The following CAPN6 variants were observed in gnomAD, a reference collection of about 807,000 sequenced individuals.
The protein encoded by CAPN6 is calpain-6.
In CAPN6, 16 loss-of-function variants were observed where a neutral mutation model predicts 46.0. That is an observed-to-expected ratio of 0.35 (90% CI 0.24 to 0.53). The LOEUF (loss-of-function observed/expected upper bound fraction) is 0.53, where lower values mean the gene tolerates loss of function less well. CAPN6 is among the 20% of genes least tolerant of loss of function. The probability of loss-of-function intolerance (pLI) is 0.94; values close to 1 mark genes in which losing one functional copy is unlikely to be tolerated. For missense variants in CAPN6, 461 were observed against 498.0 expected (o/e 0.93, Z 0.71); for synonymous variants, 206 against 172.8 (o/e 1.19, Z -1.51).
chrX:111,251,370 CAG>C (rs764967474), intron 6 of CAPN6, 84 bp from the exon 7 acceptor site: 467 of 1,005,022 alleles, frequency 4.6e-4, no homozygotes, highest in Middle Eastern at 1.9e-3. Flanking sequence ...GCCAGAGAAA[CAG>C]AGTGCATGAG....
chrX:111,269,662 C>A (rs2094994547), intron 1 of CAPN6, among the ~76,000 whole-genome samples: 1 of 111,756 alleles, frequency 8.9e-6, no homozygotes, highest in African/African-American at 3.3e-5. Context: ...TGTACTTGGC[C>A]TGGGAGTGGA....
intron 1 of CAPN6, among the ~76,000 whole-genome samples, chrX:111,267,844 G>A (rs1325674762): frequency 9.0e-6 from 1 of 111,676 alleles, no homozygotes; most frequent in Non-Finnish European, 1.9e-5. Context: ...CAGACAAATT[G>A]AATACAGAAG....
rs1446055155 is a variant in CAPN6, at chrX:111,252,352, C to A, written c.654G>T (p.Leu218=). The A allele has an allele frequency of 2.5e-6, 3 of 1,209,577 alleles. No homozygotes were observed. The highest frequency in any genetic ancestry group is 3.4e-6 in the Non-Finnish European group (3 of 894,440). The change falls in exon 5 of 13, where the codon CTG becomes CTT. Residue 218 remains leucine (L), a synonymous_variant. Coordinates refer to ENST00000324068, the MANE Select transcript of CAPN6 (RefSeq NM_014289.4). ...VEEKYKLFGE[L]YKTFTKGGLI... ...GACCACCTTTGGTAAATGTTTTGTA[C>A]AGTTCTCCGAATAGCTTGTACTTCT...
At position 111,253,029 on chromosome X, in the gene CAPN6, A is replaced by G; in HGVS notation, c.485T>C (p.Leu162Pro). 1 of 1,210,516 alleles carries G rather than the reference A, an allele frequency of 8.3e-7. No individual in the cohort carries two copies. Among genetic ancestry groups the G allele is most frequent in the Non-Finnish European group, 1.1e-6 (1 of 894,163 alleles). ...STSMNEFWNA[L>P]LEKAYAKLLG... Reference sequence around the variant, plus strand: ...TTACTTTGCATAAGCTTTTTCCAGCAGAGCATTCCAAAACTCATTCATGGA... The same window carrying G: ...TTACTTTGCATAAGCTTTTTCCAGCGGAGCATTCCAAAACTCATTCATGGA... Residue 162 changes from leucine (L) to proline (P), a missense_variant, in exon 4 of 13, where the codon CTG (leucine) becomes CCG (proline). Transcript: ENST00000324068.
intron 2 of CAPN6, among the ~76,000 whole-genome samples, chrX:111,255,908 C>G (rs1569481220): frequency 9.0e-6 from 1 of 111,508 alleles, no homozygotes. Context: ...AATTTTCTAT[C>G]TTAAAAAATA....
intron 2 of CAPN6, among the ~76,000 whole-genome samples, chrX:111,259,917 A>T (rs2094986571): frequency 9.0e-6 from 1 of 111,517 alleles, no homozygotes; most frequent in African/African-American, 3.3e-5. Context: ...GGCAGATTTC[A>T]GCCTAAAAAT....
chrX:111,247,895 G>C lies in CAPN6; in HGVS notation c.1582C>G (p.Leu528Val). The C allele has an allele frequency of 8.3e-7, 1 of 1,210,228 alleles. No homozygotes were observed. The highest frequency in any genetic ancestry group is 3.0e-5 in the East Asian group (1 of 33,819). ...TQITVHSAED[L>V]EKKYANETVN... ...CTTTCATTGGCATACTTCTTCTCCAGGTCCTCAGCACTGTGAACAGTGATC... is the reference window on the plus strand; with the variant it reads ...CTTTCATTGGCATACTTCTTCTCCACGTCCTCAGCACTGTGAACAGTGATC... Residue 528 changes from leucine (L) to valine (V), a missense_variant, in exon 11 of 13, where the codon CTG (leucine) becomes GTG (valine). By Grantham distance (32) the Leu-to-Val change is conservative (BLOSUM62 1). Transcript: ENST00000324068.
chrX:111,252,328 A>G lies in CAPN6; in HGVS notation c.678T>C (p.Gly226=), dbSNP rs1419436778. ...GELYKTFTKG[G]LICCSIESPN... Reference sequence around the variant, plus strand: ...AAACCTCAATGGAACAGCAGATCAGACCACCTTTGGTAAATGTTTTGTACA... The same window carrying G: ...AAACCTCAATGGAACAGCAGATCAGGCCACCTTTGGTAAATGTTTTGTACA... Residue 226 remains glycine (G), a synonymous_variant, in exon 5 of 13, where the codon GGT becomes GGC. Transcript: ENST00000324068. The G allele has an allele frequency of 4.1e-6, 5 of 1,205,603 alleles. No homozygotes were observed. In the South Asian group the frequency reaches 7.2e-5, roughly 17 times the overall value.
chrX:111,252,195 C>T (rs2094980122), intron 5 of CAPN6, 112 bp downstream of exon 5: 2 of 582,091 alleles, frequency 3.4e-6, no homozygotes, highest in South Asian at 3.6e-5. Context: ...TTTCCAAGTC[C>T]CATTAATAGT....
At chrX:111,265,179 A>C (rs1326455824) in intron 1 of CAPN6, among the ~76,000 whole-genome samples, 1 of 112,389 alleles carries the variant, frequency 8.9e-6, no homozygotes. Context: ...AAAAAGTGAA[A>C]TATTGATCAG....
rs377421117 is a variant in CAPN6 at position 111,252,311 on chromosome X, A to G, written c.695T>C (p.Ile232Thr). 2.1e-5 allele frequency: 25 copies of G among 1,198,023 alleles called. No homozygotes were observed. The highest frequency in any genetic ancestry group is 1.5e-4 in the East Asian group (5 of 33,586). ...TTGTTTTTCATGAGTACAAACCTCAATGGAACAGCAGATCAGACCACCTTT... is the reference window on the plus strand; with the variant it reads ...TTGTTTTTCATGAGTACAAACCTCAGTGGAACAGCAGATCAGACCACCTTT... ...FTKGGLICCS[I>T]ESPNQEEQEV... Residue 232 changes from isoleucine to threonine, a missense_variant, in exon 5 of 13, where the codon ATT becomes ACT. By Grantham distance (89) the Ile-to-Thr change is moderately conservative. Transcript: ENST00000324068.
intron 1 of CAPN6, among the ~76,000 whole-genome samples, chrX:111,265,475 C>T (rs185800987): frequency 2.9e-4 from 32 of 111,784 alleles, no homozygotes; most frequent in African/African-American, 9.1e-4. Context: ...CTTTTTTCAT[C>T]AGATTTGTCT....
chrX:111,250,348 G>T (rs2094978152), intron 8 of CAPN6, among the ~76,000 whole-genome samples: 1 of 111,384 alleles, frequency 9.0e-6, no homozygotes, highest in Admixed American at 9.5e-5. Flanking sequence ...GCGTGGACTT[G>T]ACCCTGTTAT....
chrX:111,252,811 A>G (rs1016531523), intron 4 of CAPN6, among the ~76,000 whole-genome samples, 197 bp downstream of exon 4: 8 of 111,737 alleles, frequency 7.2e-5, no homozygotes, highest in African/African-American at 2.6e-4. Context: ...TTAAATGGAA[A>G]CAAGAACCTC....
chrX:111,256,062 G>T (rs1412809724), intron 2 of CAPN6, among the ~76,000 whole-genome samples: 1 of 111,333 alleles, frequency 9.0e-6, no homozygotes, highest in African/African-American at 3.3e-5. Context: ...TTCCTCCCCA[G>T]GTCAGGTGTT....
chrX:111,247,595 C>G, intron 11 of CAPN6, 91 bp from the exon 12 acceptor site: 1 of 940,669 alleles, frequency 1.1e-6, no homozygotes, highest in African/African-American at 1.9e-5. Context: ...AATTCTGGGA[C>G]TTTCAGCATA....
chrX:111,251,197 AC>A lies in CAPN6; in HGVS notation c.971+11del, dbSNP rs752859038. 13 of 1,202,646 alleles carry A rather than the reference AC, an allele frequency of 1.1e-5. No individual in the cohort carries two copies. The East Asian group carries it at 3.9e-4, about 36-fold the overall frequency. ...AAGCCCCAATTCCCTTAGTGCAGAA[AC>A]CCCTCCTCACCAAAACTCTCCATCA... is the stretch of plus-strand genomic sequence containing the variant. On this transcript the variant is annotated intron_variant, in intron 7 of 12. Coordinates refer to ENST00000324068, the MANE Select transcript of CAPN6 (RefSeq NM_014289.4).
intron 10 of CAPN6, among the ~76,000 whole-genome samples, chrX:111,248,221 G>T (rs781770593): frequency 1.8e-5 from 2 of 111,951 alleles, no homozygotes; most frequent in Non-Finnish European, 3.8e-5. Flanking sequence ...AGGTGGCTTT[G>T]GTGATCCAGC....
At position 111,250,992 on chromosome X, in the gene CAPN6, A is replaced by C; in HGVS notation, c.1083T>G (p.Thr361=). The change falls in exon 8 of 13, where the codon ACT becomes ACG. Residue 361 remains threonine, a synonymous_variant. Coordinates refer to ENST00000324068, the MANE Select transcript of CAPN6 (RefSeq NM_014289.4). ...GGTTCATCAGGGGATCATCATCCAC[A>C]GTCCAGCATCCCAACACCGATTCCA... ...KELESVLGCW[T]VDDDPLMNRS... is the part of the protein sequence containing the mutation. 8.3e-7 allele frequency: 1 copy of C among 1,211,500 alleles called. No individual in the cohort carries two copies. The highest frequency in any genetic ancestry group is 1.1e-6 in the Non-Finnish European group (1 of 895,218).
Sources: allele counts gnomAD v4.1 joint callset (sites outside exome capture counted in the v4.1 genomes callset), GRCh38; gene constraint gnomAD v4.1.1; transcripts MANE v1.5; gene names NCBI Gene and HGNC (gene_info 2026-07-23, HGNC 2026-07-21).